Variants in LRBA observed in about 807,000 individuals in gnomAD.
LRBA encodes LPS responsive beige-like anchor protein.
LRBA carries 176 observed loss-of-function variants against 330.0 expected under a neutral mutation model. That is an observed-to-expected ratio of 0.53 (90% confidence interval 0.47 to 0.60). LRBA has a LOEUF of 0.60. LRBA is among the 20% of genes least tolerant of loss of function. LRBA has a pLI of 0.00. For missense variants in LRBA, 3,259 were observed against 3,444.8 expected (o/e 0.95, Z 1.35); for synonymous variants, 1,230 against 1,193.0 (o/e 1.03, Z -0.64).
intron 45 of LRBA, 74 bp from the exon 46 acceptor site, chr4:150,435,782 C>T (rs1751034123): frequency 8.2e-7 from 1 of 1,224,948 alleles, no homozygotes; most frequent in Non-Finnish European, 1.1e-6. Context: ...ATTCTTAGAA[C>T]TAAATACTTT....
At chr4:150,376,183 T>A (rs561477667) in intron 47 of LRBA, among the ~76,000 whole-genome samples, 8 of 152,298 alleles carry the variant, frequency 5.3e-5, no homozygotes, top group African/African-American at 1.7e-4. Flanking sequence ...CCACACTGTG[T>A]CTAACTTTTA....
intron 37 of LRBA, among the ~76,000 whole-genome samples, chr4:150,672,288 ACCAACACATCAG>A (rs1299766238): frequency 6.6e-6 from 1 of 152,046 alleles, no homozygotes; most frequent in Admixed American, 6.5e-5. Context: ...ATAGTTCAGA[ACCAACACATCAG>A]TAGTAAACAT....
At chr4:150,952,499 A>T (rs1014338111) in intron 2 of LRBA, among the ~76,000 whole-genome samples, 2 of 150,620 alleles carry the variant, frequency 1.3e-5, no homozygotes, top group African/African-American at 2.4e-5. Context: ...TTTAAACAAT[A>T]AAAAAAAGGA....
chr4:150,506,341 A>C lies in LRBA; in HGVS notation c.6331-15306T>G, dbSNP rs536983284. Among the ~76,000 whole-genome samples, 17 of 152,348 alleles carry C rather than the reference A, an allele frequency of 1.1e-4. No individual in the cohort carries two copies. The East Asian group carries it at 2.9e-3, about 26-fold the overall frequency. Reference sequence around the variant, plus strand: ...CAAAAATCCTCAGTAAAATACTGGCAAACCAAATCCAGCAGCACATCAAAA... The same window carrying C: ...CAAAAATCCTCAGTAAAATACTGGCCAACCAAATCCAGCAGCACATCAAAA... On this transcript the variant is annotated intron_variant, in intron 40 of 56. Coordinates refer to ENST00000651943, the MANE Select transcript of LRBA (RefSeq NM_001364905.1).
chr4:150,923,386 A>G (rs1250419450), intron 4 of LRBA, among the ~76,000 whole-genome samples: 1 of 152,014 alleles, frequency 6.6e-6, no homozygotes, highest in Non-Finnish European at 1.5e-5. Flanking sequence ...AAATGTTCTC[A>G]AAAGGACCCC....
chr4:150,291,788 G>T (rs1271521650), intron 53 of LRBA, among the ~76,000 whole-genome samples: 1 of 150,122 alleles, frequency 6.7e-6, no homozygotes, highest in African/African-American at 2.5e-5. Context: ...GTTTATTGCG[G>T]CATTATTCAC....
At chr4:150,504,883 C>T (rs1452709934) in intron 40 of LRBA, among the ~76,000 whole-genome samples, 1 of 152,088 alleles carries the variant, frequency 6.6e-6, no homozygotes, top group Non-Finnish European at 1.5e-5. Flanking sequence ...GGAGGAAGAT[C>T]TACCAAGCAA....
rs1778452755 is a variant in LRBA, at chr4:150,639,824, T to TAC, written c.5922-40694_5922-40693insGT. Among the ~76,000 whole-genome samples, 14 of 8,320 alleles carry TAC rather than the reference T, an allele frequency of 1.7e-3. 1 individual carries two copies. Among genetic ancestry groups the TAC allele is most frequent in the Non-Finnish European group, 4.2e-3 (14 of 3,366 alleles). The allele number at this position is 8,320 out of a possible 152,430, so 5.5% of individuals were successfully genotyped here. A position where few individuals can be genotyped will look rare whatever the true frequency, so the allele number is the denominator to read the frequency against. On this transcript the variant is annotated intron_variant, in intron 37 of 56. Coordinates refer to ENST00000651943, the MANE Select transcript of LRBA (RefSeq NM_001364905.1). Reference sequence around the variant, plus strand: ...ATATATATGTGTGTGTGTGTGTATATATATATATATATATATATATATATA... The same window carrying TAC: ...ATATATATGTGTGTGTGTGTGTATATACATATATATATATATATATATATATA...
chr4:150,621,731 T>C (rs1776310338), intron 37 of LRBA, among the ~76,000 whole-genome samples: 1 of 152,204 alleles, frequency 6.6e-6, no homozygotes, highest in Admixed American at 6.5e-5. Flanking sequence ...TCCTCAGAAA[T>C]CTCAAAAAAT....
chr4:150,614,814 C>A (rs191747947), intron 37 of LRBA, among the ~76,000 whole-genome samples: 182 of 152,294 alleles, frequency 1.2e-3, no homozygotes, highest in Non-Finnish European at 2.3e-3. Context: ...TGTAACACTG[C>A]AAAAGCAATG....
intron 34 of LRBA, among the ~76,000 whole-genome samples, chr4:150,792,744 C>T (rs546651647): frequency 1.2e-4 from 18 of 152,204 alleles, no homozygotes; most frequent in African/African-American, 3.9e-4. Context: ...TGGCCTCAAG[C>T]AATCCTCCCA....
rs114516638 is a variant in LRBA, at chr4:150,333,704, T to C, written c.7363-7806A>G. ...TATTTGACAGGTTTCTACTCAAAGT[T>C]TACTGTCTAGCTGACTAGCCTCAGT... On this transcript the variant is annotated intron_variant, in intron 48 of 56. Transcript: ENST00000651943. Among the ~76,000 whole-genome samples the C allele has an allele frequency of 4.8e-3, 737 of 152,296 alleles. 6 individuals are homozygous for C. Among genetic ancestry groups the C allele is most frequent in the African/African-American group, 0.017 (706 of 41,584 alleles).
chr4:150,902,867 C>A (rs907650937), intron 13 of LRBA, among the ~76,000 whole-genome samples: 3 of 152,248 alleles, frequency 2.0e-5, no homozygotes, highest in South Asian at 4.2e-4. Context: ...TAAAAACCTA[C>A]CCCAACTGAT....
chr4:150,421,974 C>A lies in LRBA; in HGVS notation c.7042-6384G>T, dbSNP rs977105894. On this transcript the variant is annotated intron_variant, in intron 46 of 56. Coordinates refer to ENST00000651943, the MANE Select transcript of LRBA (RefSeq NM_001364905.1). ...CCAGAACAAAAACAAAACACAGGAG[C>A]TGGCTGGGTGCACTGGCTCACACCT... Among the ~76,000 whole-genome samples, 3 of 152,194 alleles carry A rather than the reference C, an allele frequency of 2.0e-5. No individual in the cohort carries two copies. In the East Asian group the frequency reaches 5.8e-4, roughly 29 times the overall value.
chr4:150,274,909 G>A lies in LRBA; in HGVS notation c.8468+2944C>T, dbSNP rs111273554. ...AACTATTCCAATCAATAGAAAAAGA[G>A]GGAATCCTAACTCATTTTATGAGGC... is the stretch of plus-strand genomic sequence containing the variant. On this transcript the variant is annotated intron_variant, in intron 56 of 56. Transcript: ENST00000651943. Among the ~76,000 whole-genome samples, 637 of 152,212 alleles carry A rather than the reference G, an allele frequency of 4.2e-3. 5 individuals carry two copies. Among genetic ancestry groups the A allele is most frequent in the African/African-American group, 0.014 (584 of 41,556 alleles).
chr4:150,844,254 C>T (rs1330263145), intron 27 of LRBA, 47 bp from the exon 28 acceptor site: 6 of 900,038 alleles, frequency 6.7e-6, no homozygotes, highest in South Asian at 3.9e-5. Flanking sequence ...TTCATATATA[C>T]ATTACACAGA....
chr4:150,844,676 T>A lies in LRBA; in HGVS notation c.4443A>T (p.Leu1481Phe), dbSNP rs1222737617. ...ALKPMHSLIP[L>F]GKSAAKSPVD... The stretch of plus-strand genomic sequence containing the variant: ...TACTTACCTTCGCTGCAGATTTCCC[T>A]AAAGGAATAAGGCTATGCATTGGTT... The change falls in exon 27 of 57, where the codon TTA becomes TTT. Residue 1481 changes from leucine to phenylalanine, a missense_variant. Leu to Phe is a conservative substitution (Grantham distance 22). Transcript: ENST00000651943. 2 of 1,612,914 alleles carry A rather than the reference T, an allele frequency of 1.2e-6. No individual in the cohort carries two copies. The highest frequency in any genetic ancestry group is 1.7e-6 in the Non-Finnish European group (2 of 1,179,288).
At chr4:150,374,958 A>C (rs531933390) in intron 47 of LRBA, among the ~76,000 whole-genome samples, 1 of 152,336 alleles carries the variant, frequency 6.6e-6, no homozygotes, top group Admixed American at 6.5e-5. Flanking sequence ...ATCAGATGAA[A>C]ATCTGAAGAT....
intron 33 of LRBA, among the ~76,000 whole-genome samples, chr4:150,805,931 C>T (rs1026133583): frequency 2.6e-5 from 4 of 152,026 alleles, no homozygotes; most frequent in Admixed American, 2.6e-4. Context: ...TGTGGCAATA[C>T]ATTGTTGTTC....
Sources: allele counts gnomAD v4.1 joint callset (sites outside exome capture counted in the v4.1 genomes callset), GRCh38; gene constraint gnomAD v4.1.1; transcripts MANE v1.5; gene names NCBI Gene and HGNC (gene_info 2026-07-23, HGNC 2026-07-21).